Variants in IFIT2 observed in about 807,000 individuals in gnomAD.
IFIT2 encodes interferon-induced protein with tetratricopeptide repeats 2.
Under a neutral mutation model 2.5 loss-of-function variants are expected in IFIT2, and 3 were observed. That is an observed-to-expected ratio of 1.21 (90% CI 0.55 to 3.14). The LOEUF (loss-of-function observed/expected upper bound fraction) is 3.14. IFIT2 is among the 30% of genes most tolerant of loss of function. The probability of loss-of-function intolerance (pLI) is 0.03; values close to 1 mark genes in which losing one functional copy is unlikely to be tolerated. For missense variants in IFIT2, 493 were observed against 558.9 expected (o/e 0.88, Z 1.19); for synonymous variants, 212 against 200.7 (o/e 1.06, Z -0.48).
At position 89,307,636 on chromosome 10, in the gene IFIT2, A is replaced by T. The variant is rs1379008588; in HGVS notation, c.*261A>T. ...ATTTCTCGATTGACTTCTTGAGTGC[A>T]ATTTGAACTGTAACATTTGCTTAGT... On this transcript the variant is annotated 3_prime_UTR_variant, in exon 2 of 2. Transcript: ENST00000371826. The T allele has an allele frequency of 1.1e-5, 4 of 350,092 alleles. No individual in the cohort carries two copies. Among genetic ancestry groups the T allele is most frequent in the African/African-American group, 6.1e-5 (3 of 49,378 alleles). The allele number at this position is 350,092 out of a possible 1,614,324, so 21.7% of individuals were successfully genotyped here. A position where few individuals can be genotyped will look rare whatever the true frequency, so the allele number is the denominator to read the frequency against.
chr10:89,306,134 C>T lies in IFIT2; in HGVS notation c.178C>T (p.Leu60=). The T allele has an allele frequency of 1.2e-6, 2 of 1,614,112 alleles. No individual in the cohort carries two copies. Among genetic ancestry groups the T allele is most frequent in the Non-Finnish European group, 1.7e-6 (2 of 1,180,010 alleles). ...CACAATGTGCAACCTACTGGCCTAT[C>T]TAAAGCACCTCAAAGGGCAAAACGA... ...KATMCNLLAY[L]KHLKGQNEAA... Residue 60 remains leucine, a synonymous_variant, in exon 2 of 2, where the codon CTA becomes TTA. Coordinates refer to ENST00000371826, the MANE Select transcript of IFIT2 (RefSeq NM_001547.5).
At position 89,305,948 on chromosome 10, in the gene IFIT2, G is replaced by A; in HGVS notation, c.6-14G>A. 6.3e-7 allele frequency: 1 copy of A among 1,581,540 alleles called. No individual in the cohort carries two copies. Among genetic ancestry groups the A allele is most frequent in the Non-Finnish European group, 8.7e-7 (1 of 1,155,310 alleles). On this transcript the variant is annotated splice_polypyrimidine_tract_variant and intron_variant, in intron 1 of 1. Transcript: ENST00000371826. ...TCTGTGTCTCAAAGTCCATCTTTGT[G>A]TTTTTCCCTACAGTGAGAACAATAA...
rs780537242 is a variant in IFIT2, at chr10:89,307,322, G to T, written c.1366G>T (p.Gly456Cys). 1 of 1,612,602 alleles carries T rather than the reference G, an allele frequency of 6.2e-7. No homozygotes were observed. The highest frequency in any genetic ancestry group is 8.5e-7 in the Non-Finnish European group (1 of 1,178,816). Residue 456 changes from glycine to cysteine, a missense_variant, in exon 2 of 2, where the codon GGT (glycine) becomes TGT (cysteine). By Grantham distance (159) the Gly-to-Cys change is radical. Coordinates refer to ENST00000371826, the MANE Select transcript of IFIT2 (RefSeq NM_001547.5). ...MQQADEDSERGLESGSLIPSA... is the reference protein window; with the variant it reads ...MQQADEDSERCLESGSLIPSA... The stretch of plus-strand genomic sequence containing the variant: ...ACAAGCAGATGAAGACTCTGAGAGG[G>T]GTTTGGAGTCTGGAAGCCTCATCCC...
intron 1 of IFIT2, among the ~76,000 whole-genome samples, chr10:89,304,327 C>T (rs1021944508): frequency 2.6e-5 from 4 of 152,066 alleles, no homozygotes; most frequent in South Asian, 2.1e-4. Flanking sequence ...GATGCATTCC[C>T]GTTGAAAAGC....
At chr10:89,304,576 C>A (rs547145719) in intron 1 of IFIT2, among the ~76,000 whole-genome samples, 1 of 152,018 alleles carries the variant, frequency 6.6e-6, no homozygotes, top group Non-Finnish European at 1.5e-5. Context: ...GCTCCTGATA[C>A]AAGGGTTGCT....
chr10:89,304,995 A>C (rs887947029), intron 1 of IFIT2, among the ~76,000 whole-genome samples: 5 of 150,270 alleles, frequency 3.3e-5, no homozygotes, highest in Non-Finnish European at 5.9e-5. Context: ...ATAAAATTTC[A>C]AAAAAAAAAT....
rs758215504 is a variant in IFIT2 at position 89,307,144 on chromosome 10, A to C, written c.1188A>C (p.Ile396=). ...KCEDKAIHHF[I]EGVKINQKSR... ...AAGACAAGGCCATCCACCACTTTATAGAGGGTGTAAAAATAAACCAGAAAT... is the reference window on the plus strand; with the variant it reads ...AAGACAAGGCCATCCACCACTTTATCGAGGGTGTAAAAATAAACCAGAAAT... Residue 396 remains isoleucine, a synonymous_variant, in exon 2 of 2, where the codon ATA becomes ATC. Coordinates refer to ENST00000371826, the MANE Select transcript of IFIT2 (RefSeq NM_001547.5). 6.2e-6 allele frequency: 10 copies of C among 1,614,106 alleles called. No homozygotes were observed. The South Asian group carries it at 1.1e-4, about 18-fold the overall frequency.
At chr10:89,304,755 G>GT (rs952162515) in intron 1 of IFIT2, among the ~76,000 whole-genome samples, 3 of 151,834 alleles carry the variant, frequency 2.0e-5, no homozygotes, top group South Asian at 2.1e-4. Context: ...TTTTTTAGGG[G>GT]TTTTTTTGTT....
intron 1 of IFIT2, among the ~76,000 whole-genome samples, chr10:89,303,060 TC>T (rs1438991953): frequency 6.6e-6 from 1 of 152,158 alleles, no homozygotes; most frequent in African/African-American, 2.4e-5. Flanking sequence ...TTTTTTGTAG[TC>T]ACCCAGAATC....
chr10:89,304,424 A>T (rs952108587), intron 1 of IFIT2, among the ~76,000 whole-genome samples: 2 of 152,180 alleles, frequency 1.3e-5, no homozygotes, highest in African/African-American at 2.4e-5. Flanking sequence ...GTGGTATAAA[A>T]AGTGGGAGAG....
At position 89,306,877 on chromosome 10, in the gene IFIT2, T is replaced by C. The variant is rs770771403; in HGVS notation, c.921T>C (p.Tyr307=). The change falls in exon 2 of 2, where the codon TAT becomes TAC. Residue 307 remains tyrosine, a synonymous_variant. Transcript: ENST00000371826. ...TGAATCTAAGAGAGAATGGAATGTA[T>C]GGGAAAAGAAAGTTACTGGAACTAA... ...QVMNLRENGM[Y]GKRKLLELIG... 1 of 1,614,042 alleles carries C rather than the reference T, an allele frequency of 6.2e-7. No individual in the cohort carries two copies. Among genetic ancestry groups the C allele is most frequent in the Non-Finnish European group, 8.5e-7 (1 of 1,179,950 alleles).
chr10:89,302,657 A>G lies in IFIT2; in HGVS notation c.5+529A>G, dbSNP rs569177166. 3.3e-5 allele frequency among the ~76,000 whole-genome samples: 5 copies of G among 152,348 alleles called. No individual in the cohort carries two copies. The East Asian group carries it at 9.6e-4, about 29-fold the overall frequency. ...ATCTCAGATTTGCACAAGGGCTGGT[A>G]AACTTAAATATTTTCACCCCAAAAT... On this transcript the variant is annotated intron_variant, in intron 1 of 1. Transcript: ENST00000371826.
rs1843500386 is a variant in IFIT2, at chr10:89,308,925, G to A, written c.*1550G>A. On this transcript the variant is annotated 3_prime_UTR_variant, in exon 2 of 2. Coordinates refer to ENST00000371826, the MANE Select transcript of IFIT2 (RefSeq NM_001547.5). ...TAACCTAAATATGATAAAACATAAA[G>A]CAGTGTTCTGGTTCATCTGGAATTT... The A allele has an allele frequency of 6.6e-6, 1 of 152,086 alleles. No individual in the cohort carries two copies. The highest frequency in any genetic ancestry group is 1.5e-5 in the Non-Finnish European group (1 of 68,012). The allele number at this position is 152,086 out of a possible 1,614,324, so 9.4% of individuals were successfully genotyped here. A position where few individuals can be genotyped will look rare whatever the true frequency, so the allele number is the denominator to read the frequency against.
Position 89,306,096 on chromosome 10 carries a change from G to A in IFIT2, c.140G>A (p.Arg47His), listed in dbSNP as rs373422979. Residue 47 changes from arginine to histidine, a missense_variant, in exon 2 of 2, where the codon CGT becomes CAT. By Grantham distance (29) the Arg-to-His change is conservative (BLOSUM62 0). Coordinates refer to ENST00000371826, the MANE Select transcript of IFIT2 (RefSeq NM_001547.5). Reference sequence around the variant, plus strand: ...TTTTACCGGACTGAGTTTCAGAATCGTGAATTCAAAGCCACAATGTGCAAC... The same window carrying A: ...TTTTACCGGACTGAGTTTCAGAATCATGAATTCAAAGCCACAATGTGCAAC... Reference protein sequence around the residue: ...KVFYRTEFQNREFKATMCNLL... With the variant: ...KVFYRTEFQNHEFKATMCNLL... 9 of 1,613,980 alleles carry A rather than the reference G, an allele frequency of 5.6e-6. No homozygotes were observed. Among genetic ancestry groups the A allele is most frequent in the South Asian group, 5.5e-5 (5 of 91,090 alleles).
In IFIT2 at chr10:89,307,441, G is replaced by A; in HGVS notation, c.*66G>A. The A allele has an allele frequency of 7.6e-7, 1 of 1,322,218 alleles. No homozygotes were observed. Among genetic ancestry groups the A allele is most frequent in the South Asian group, 1.4e-5 (1 of 72,844 alleles). The allele number at this position is 1,322,218 out of a possible 1,614,324, so 81.9% of individuals were successfully genotyped here. On this transcript the variant is annotated 3_prime_UTR_variant, in exon 2 of 2. Transcript: ENST00000371826. ...GAGCTGAAATTCCTCCACCAAGTTG[G>A]TATTCAAAATATGTAATGACTGGTA...
At position 89,306,222 on chromosome 10, in the gene IFIT2, C is replaced by A; in HGVS notation, c.266C>A (p.Ala89Glu). 6.2e-7 allele frequency: 1 copy of A among 1,614,112 alleles called. No homozygotes were observed. Among genetic ancestry groups the A allele is most frequent in the Non-Finnish European group, 8.5e-7 (1 of 1,180,006 alleles). Residue 89 changes from alanine to glutamate, a missense_variant, in exon 2 of 2, where the codon GCA (alanine) becomes GAA (glutamate). Ala to Glu is a moderately radical substitution (Grantham distance 107, BLOSUM62 -1). Coordinates refer to ENST00000371826, the MANE Select transcript of IFIT2 (RefSeq NM_001547.5). The part of the protein sequence containing the change: ...ELIQQEHADQ[A>E]EIRSLVTWGN... ...ATCCAGCAAGAGCATGCTGACCAGG[C>A]AGAAATCAGAAGTCTGGTCACCTGG... is the stretch of plus-strand genomic sequence containing the variant.
rs1332949715 is a variant in IFIT2 at position 89,308,378 on chromosome 10, T to C, written c.*1003T>C. The C allele has an allele frequency of 6.6e-6, 1 of 152,138 alleles. No homozygotes were observed. The highest frequency in any genetic ancestry group is 2.4e-5 in the African/African-American group (1 of 41,434). The allele number at this position is 152,138 out of a possible 1,614,324, so 9.4% of individuals were successfully genotyped here. ...TTCAAATGCTTTCATGAACCTGGTTTGAGACGGTAGGAAAGCAACAAAACG... is the reference window on the plus strand; with the variant it reads ...TTCAAATGCTTTCATGAACCTGGTTCGAGACGGTAGGAAAGCAACAAAACG... On this transcript the variant is annotated 3_prime_UTR_variant, in exon 2 of 2. Transcript: ENST00000371826.
rs201027227 is a variant in IFIT2, at chr10:89,302,098, G to A, written c.-26G>A. On this transcript the variant is annotated 5_prime_UTR_variant, in exon 1 of 2. Coordinates refer to ENST00000371826, the MANE Select transcript of IFIT2 (RefSeq NM_001547.5). ...GCAGCTGCCTGAACCGAGCCCTGCC[G>A]AACAGCTGAGAATTGCACTGCAACC... 31 of 1,613,688 alleles carry A rather than the reference G, an allele frequency of 1.9e-5. No homozygotes were observed. The highest frequency in any genetic ancestry group is 1.2e-4 in the Admixed American group (7 of 60,002).
intron 1 of IFIT2, 125 bp downstream of exon 1, chr10:89,302,253 C>G (rs1198635614): frequency 2.1e-6 from 2 of 968,730 alleles, no homozygotes; most frequent in Non-Finnish European, 3.3e-6. Context: ...CTTACTATGC[C>G]TCTACCTCTG....
Sources: allele counts gnomAD v4.1 joint callset (sites outside exome capture counted in the v4.1 genomes callset), GRCh38; gene constraint gnomAD v4.1.1; transcripts MANE v1.5; gene names NCBI Gene and HGNC (gene_info 2026-07-23, HGNC 2026-07-21).